PLCG2: variants seen among roughly 807,000 people sequenced by gnomAD.
The protein encoded by PLCG2 is 1-phosphatidylinositol 4,5-bisphosphate phosphodiesterase gamma-2.
PLCG2 carries 69 observed loss-of-function variants against 175.6 expected under a neutral mutation model. The observed-to-expected ratio is 0.39, with a 90% confidence interval of 0.32 to 0.48. The LOEUF (loss-of-function observed/expected upper bound fraction) is 0.48, where lower values mean the gene tolerates loss of function less well. Ranked by LOEUF, PLCG2 falls within the 20% of genes least tolerant of loss-of-function variation. The pLI is 0.91. For missense variants in PLCG2, 1,798 were observed against 1,650.9 expected, an observed-to-expected ratio of 1.09 and a Z score of -1.54; for synonymous variants, 827 against 624.0, an observed-to-expected ratio of 1.33 and a Z score of -4.85.
At chr16:81,866,157 A>T (rs1444760500) in intron 5 of PLCG2, among the ~76,000 whole-genome samples, 1 of 103,256 alleles carries the variant, frequency 9.7e-6, no homozygotes, top group African/African-American at 4.1e-5. Flanking sequence ...GGGCACCAGC[A>T]TGAGAGGACG....
At chr16:81,904,091 G>A (rs1453356308) in intron 14 of PLCG2, among the ~76,000 whole-genome samples, 2 of 152,166 alleles carry the variant, frequency 1.3e-5, no homozygotes, top group Non-Finnish European at 2.9e-5. Context: ...CACACATTTA[G>A]TATTTGCTGA....
Position 81,869,317 on chromosome 16 carries a change from C to T in PLCG2, c.564+19C>T, listed in dbSNP as rs564767670. ...GTTTGTGGTAAGTTTCATGGCTCAG[C>T]CTGGGAATTTTATGAATGCGGAGTG... is the stretch of plus-strand genomic sequence containing the variant. On this transcript the variant is annotated intron_variant, in intron 6 of 32. Coordinates refer to ENST00000564138, the MANE Select transcript of PLCG2 (RefSeq NM_002661.5). 9.8e-5 allele frequency: 155 copies of T among 1,574,980 alleles called. No homozygotes were observed. Among genetic ancestry groups the T allele is most frequent in the Non-Finnish European group, 1.3e-4 (145 of 1,144,328 alleles).
At chr16:81,805,336 A>G (rs140482100) in intron 2 of PLCG2, among the ~76,000 whole-genome samples, 1,639 of 151,980 alleles carry the variant, frequency 0.011, 16 homozygotes, top group Middle Eastern at 0.031. Context: ...TGTCTCTACT[A>G]AAAATATAAA....
intron 1 of PLCG2, among the ~76,000 whole-genome samples, chr16:81,744,617 A>G (rs1365390592): frequency 2.1e-5 from 3 of 141,794 alleles, no homozygotes; most frequent in Non-Finnish European, 3.1e-5. Context: ...TTTTTAAGAT[A>G]GTCGTGCTCT....
At chr16:81,874,344 C>T (rs1220664406) in intron 7 of PLCG2, among the ~76,000 whole-genome samples, 4 of 152,186 alleles carry the variant, frequency 2.6e-5, no homozygotes, top group Admixed American at 6.5e-5. Flanking sequence ...TTTGCTTTGG[C>T]AACCCTCATC....
At chr16:81,872,779 C>T (rs547752820) in intron 7 of PLCG2, among the ~76,000 whole-genome samples, 1 of 152,332 alleles carries the variant, frequency 6.6e-6, no homozygotes, top group Admixed American at 6.5e-5. Context: ...CTTGGATGAA[C>T]CACTGACTGC....
At chr16:81,940,331 ATTTC>A (rs2143738226) in intron 30 of PLCG2, among the ~76,000 whole-genome samples, 1 of 152,232 alleles carries the variant, frequency 6.6e-6, no homozygotes, top group East Asian at 1.9e-4. Flanking sequence ...CTGCAGTTTG[ATTTC>A]ATTTTGAAAT....
chr16:81,773,157 TG>T (rs1223229057), intron 2 of PLCG2, among the ~76,000 whole-genome samples: 1 of 151,944 alleles, frequency 6.6e-6, no homozygotes, highest in Non-Finnish European at 1.5e-5. Flanking sequence ...AGGGAAAGCA[TG>T]CTGGGTGTGG....
intron 2 of PLCG2, among the ~76,000 whole-genome samples, chr16:81,795,361 G>A (rs977214562): frequency 6.6e-6 from 1 of 152,162 alleles, no homozygotes. Flanking sequence ...GAGAAGGAGG[G>A]AGCCATGGGA....
At chr16:81,927,615 C>T (rs1255716562) in intron 23 of PLCG2, among the ~76,000 whole-genome samples, 3 of 152,156 alleles carry the variant, frequency 2.0e-5, no homozygotes, top group Non-Finnish European at 4.4e-5. Context: ...GTTGTTCCCT[C>T]GCCGCCTCTT....
intron 2 of PLCG2, among the ~76,000 whole-genome samples, chr16:81,813,613 G>A (rs1455160389): frequency 6.6e-6 from 1 of 152,198 alleles, no homozygotes; most frequent in Non-Finnish European, 1.5e-5. Flanking sequence ...AATTCTGTGG[G>A]TCAGGAATTT....
chr16:81,859,416 C>G (rs1405819919), intron 5 of PLCG2: 1 of 455,254 alleles, frequency 2.2e-6, no homozygotes, highest in Non-Finnish European at 3.9e-6. Flanking sequence ...TGGACCTCAT[C>G]ACAAATATTT....
intron 10 of PLCG2, 46 bp from the exon 11 acceptor site, chr16:81,891,426 C>A: frequency 9.4e-7 from 1 of 1,060,888 alleles, no homozygotes; most frequent in Non-Finnish European, 1.5e-6. Flanking sequence ...AGACACCATC[C>A]TGCCCGTCAA....
intron 14 of PLCG2, among the ~76,000 whole-genome samples, chr16:81,904,861 A>T (rs975545204): frequency 1.3e-5 from 2 of 151,822 alleles, no homozygotes; most frequent in Non-Finnish European, 3.0e-5. Flanking sequence ...GAGTGGCAGG[A>T]TAGGAAGGGG....
intron 10 of PLCG2, 27 bp downstream of exon 10, chr16:81,889,300 T>TG: frequency 7.8e-7 from 1 of 1,281,802 alleles, no homozygotes; most frequent in Non-Finnish European, 1.1e-6. Flanking sequence ...TGTTGTCGCT[T>TG]GGGGGTGACT....
chr16:81,856,639 C>G (rs1012824060), intron 3 of PLCG2, among the ~76,000 whole-genome samples: 1 of 152,192 alleles, frequency 6.6e-6, no homozygotes, highest in Non-Finnish European at 1.5e-5. Flanking sequence ...AAAGCTAACA[C>G]TCTTTAATAA....
At position 81,910,675 on chromosome 16, in the gene PLCG2, G is replaced by A. The variant is rs771359979; in HGVS notation, c.1889G>A (p.Arg630Gln). 14 of 1,612,718 alleles carry A rather than the reference G, an allele frequency of 8.7e-6. No homozygotes were observed. The highest frequency in any genetic ancestry group is 3.3e-5 in the South Asian group (3 of 91,088). ...THLRCAEFEL[R>Q]LTDPVPNPNP... is the part of the protein sequence containing the mutation. The stretch of plus-strand genomic sequence containing the variant: ...CTGCGCTGCGCCGAGTTCGAGCTGC[G>A]GCTCACGGACCCTGTGCCCAACCCC... The change falls in exon 18 of 33, where the codon CGG becomes CAG. Residue 630 changes from arginine to glutamine, a missense_variant. By Grantham distance (43) the Arg-to-Gln change is conservative. Coordinates refer to ENST00000564138, the MANE Select transcript of PLCG2 (RefSeq NM_002661.5).
At chr16:81,874,303 A>G (rs1907663010) in intron 7 of PLCG2, among the ~76,000 whole-genome samples, 1 of 152,140 alleles carries the variant, frequency 6.6e-6, no homozygotes, top group African/African-American at 2.4e-5. Context: ...CTGTCTGCTC[A>G]TTTATGTTGC....
chr16:81,894,099 A>T (rs915760740), intron 12 of PLCG2, among the ~76,000 whole-genome samples: 2 of 151,660 alleles, frequency 1.3e-5, no homozygotes, highest in African/African-American at 4.9e-5. Context: ...GGTACCGCGT[A>T]TCACCTGGAT....
Sources: gnomAD v4.1 joint callset for allele counts (sites outside exome capture counted in the v4.1 genomes callset) on GRCh38, gnomAD v4.1.1 for gene constraint, MANE v1.5 for transcripts, NCBI Gene and HGNC (gene_info 2026-07-23, HGNC 2026-07-21) for gene names.